OSBPL10: variants seen among roughly 807,000 people sequenced by gnomAD.
OSBPL10 encodes the protein oxysterol-binding protein-related protein 10.
A neutral mutation model predicts 81.7 loss-of-function variants in OSBPL10; 49 were observed. The observed-to-expected ratio is 0.60, with a 90% CI of 0.48 to 0.76. The LOEUF (loss-of-function observed/expected upper bound fraction) is 0.76. Ranked by LOEUF, OSBPL10 falls within the 30% of genes least tolerant of loss-of-function variation. The probability of loss-of-function intolerance (pLI) is 0.00; values close to 1 mark genes in which losing one functional copy is unlikely to be tolerated. For missense variants in OSBPL10, 923 were observed against 987.8 expected (o/e 0.93, Z 0.88); for synonymous variants, 419 against 383.6 (o/e 1.09, Z -1.08).
intron 1 of OSBPL10, among the ~76,000 whole-genome samples, chr3:31,940,859 C>CA (rs1349806720): frequency 2.0e-5 from 3 of 152,126 alleles, no homozygotes; most frequent in African/African-American, 7.2e-5. Context: ...AGGTTGGTCT[C>CA]AAACTCCTGA....
chr3:31,899,878 A>C (rs1696181802), intron 1 of OSBPL10, among the ~76,000 whole-genome samples: 1 of 152,130 alleles, frequency 6.6e-6, no homozygotes, highest in Non-Finnish European at 1.5e-5. Flanking sequence ...CAGCATAGAA[A>C]ATATTCTACA....
chr3:31,775,217 G>A (rs1698518229), intron 4 of OSBPL10, among the ~76,000 whole-genome samples: 1 of 151,990 alleles, frequency 6.6e-6, no homozygotes, highest in African/African-American at 2.4e-5. Flanking sequence ...AGAGGTTCAG[G>A]GATTTAAAAA....
At chr3:31,822,903 C>G (rs1362934990) in intron 4 of OSBPL10, among the ~76,000 whole-genome samples, 1 of 42,920 alleles carries the variant, frequency 2.3e-5, no homozygotes, top group Non-Finnish European at 5.6e-5. Context: ...CAGAGTGAGA[C>G]CCCCAACTCT....
chr3:32,047,917 G>A (rs990648665), intron 1 of OSBPL10, among the ~76,000 whole-genome samples: 32 of 151,820 alleles, frequency 2.1e-4, no homozygotes, highest in East Asian at 3.9e-4. Context: ...CACCCGCCTC[G>A]GCCTCCCAAA....
intron 6 of OSBPL10, chr3:31,708,757 A>G (rs1169691023): frequency 1.0e-6 from 1 of 985,406 alleles, no homozygotes; most frequent in East Asian, 1.1e-4. Context: ...CTCCTCTGGA[A>G]GAGTCTTTTT....
intron 1 of OSBPL10, among the ~76,000 whole-genome samples, chr3:32,069,788 C>G (rs1699812583): frequency 1.3e-5 from 2 of 152,242 alleles, no homozygotes; most frequent in Admixed American, 6.5e-5. Flanking sequence ...TAACCCACAA[C>G]CACGGCTCCA....
intron 4 of OSBPL10, among the ~76,000 whole-genome samples, chr3:31,812,804 A>AAGAG (rs1261978307): frequency 1.8e-4 from 10 of 56,072 alleles, no homozygotes; most frequent in Non-Finnish European, 3.5e-4. Context: ...GAAAGAAAGA[A>AAGAG]AGAAAGAAAG....
chr3:32,057,312 G>T (rs181648699), intron 1 of OSBPL10, among the ~76,000 whole-genome samples: 187 of 152,122 alleles, frequency 1.2e-3, no homozygotes, highest in Non-Finnish European at 2.1e-3. Flanking sequence ...TGAGGTTTAA[G>T]AACCCTCTCC....
At chr3:31,756,927 C>T (rs1697905449) in intron 4 of OSBPL10, among the ~76,000 whole-genome samples, 3 of 152,174 alleles carry the variant, frequency 2.0e-5, no homozygotes, top group Admixed American at 2.0e-4. Context: ...GAAACTCCTG[C>T]GTTAGCTAAC....
At chr3:31,903,844 A>G (rs993434417) in intron 1 of OSBPL10, among the ~76,000 whole-genome samples, 4 of 152,150 alleles carry the variant, frequency 2.6e-5, no homozygotes, top group Non-Finnish European at 5.9e-5. Context: ...CTTTTTGTTA[A>G]AGCAGGGTGA....
chr3:31,703,637 A>G (rs1193521051), intron 6 of OSBPL10: 1 of 152,232 alleles, frequency 6.6e-6, no homozygotes, highest in Non-Finnish European at 1.5e-5. Flanking sequence ...ATTCCTTTCC[A>G]ACATTCCAAA....
chr3:32,007,548 C>T (rs975016677), intron 2 of OSBPL10, among the ~76,000 whole-genome samples: 1 of 152,098 alleles, frequency 6.6e-6, no homozygotes, highest in Non-Finnish European at 1.5e-5. Flanking sequence ...CATTTCTTAG[C>T]TTGTAACCTC....
At chr3:31,947,666 A>T (rs1415499711) in intron 1 of OSBPL10, among the ~76,000 whole-genome samples, 1 of 152,050 alleles carries the variant, frequency 6.6e-6, no homozygotes, top group Non-Finnish European at 1.5e-5. Flanking sequence ...CCTCAAAAGA[A>T]CCTAACAGAT....
intron 6 of OSBPL10, among the ~76,000 whole-genome samples, chr3:31,715,369 C>T (rs1399631119): frequency 2.0e-5 from 3 of 152,162 alleles, no homozygotes; most frequent in Non-Finnish European, 4.4e-5. Context: ...ATTTCTACTC[C>T]TTCCACCAAT....
At chr3:31,762,629 C>CTTTTTTTTTTTTTT (rs1491572896) in intron 4 of OSBPL10, among the ~76,000 whole-genome samples, 39 of 17,212 alleles carry the variant, frequency 2.3e-3, no homozygotes, top group Admixed American at 3.1e-3. Context: ...CCATGCCCAG[C>CTTTTTTTTTTTTTT]ATTTTTTTTT....
chr3:31,896,711 G>A (rs550062651), intron 1 of OSBPL10, among the ~76,000 whole-genome samples: 1 of 152,354 alleles, frequency 6.6e-6, no homozygotes, highest in East Asian at 1.9e-4. Flanking sequence ...AATCAGGGCA[G>A]TGCCTGCCTT....
intron 4 of OSBPL10, among the ~76,000 whole-genome samples, chr3:31,824,545 T>C (rs1464581769): frequency 2.0e-5 from 3 of 152,164 alleles, no homozygotes; most frequent in African/African-American, 7.2e-5. Flanking sequence ...AGGTTTGATA[T>C]GTACAGTTTG....
In OSBPL10 at chr3:31,760,230, A is replaced by G. The variant is rs979529176; in HGVS notation, c.730-12110T>C. 2.6e-5 allele frequency among the ~76,000 whole-genome samples: 4 copies of G among 152,150 alleles called. No homozygotes were observed. In the South Asian group the frequency reaches 6.2e-4, roughly 24 times the overall value. ...TGTCTCAGGGTGGCAGAGACAGAAGAGTTGGAGGAGGTGAAAGGAGAGGCA... is the reference window on the plus strand; with the variant it reads ...TGTCTCAGGGTGGCAGAGACAGAAGGGTTGGAGGAGGTGAAAGGAGAGGCA... On this transcript the variant is annotated intron_variant, in intron 4 of 11. Transcript: ENST00000396556.
At chr3:31,665,111 T>C (rs1700158167) in intron 10 of OSBPL10, among the ~76,000 whole-genome samples, 1 of 152,188 alleles carries the variant, frequency 6.6e-6, no homozygotes, top group African/African-American at 2.4e-5. Context: ...GGAAAGAAGC[T>C]AGTGTTTAAC....
Sources: gnomAD v4.1 joint callset for allele counts (sites outside exome capture counted in the v4.1 genomes callset) on GRCh38, gnomAD v4.1.1 for gene constraint, MANE v1.5 for transcripts, NCBI Gene and HGNC (gene_info 2026-07-23, HGNC 2026-07-21) for gene names.